ALS2: variants seen among roughly 807,000 people sequenced by gnomAD.
ALS2 encodes the protein alsin Rho guanine nucleotide exchange factor ALS2, also known as alsin.
In ALS2, 117 loss-of-function variants were observed where a neutral mutation model predicts 203.4. That is an observed-to-expected ratio of 0.58 (90% CI 0.50 to 0.67). The LOEUF (loss-of-function observed/expected upper bound fraction) is 0.67. Among genes scored for constraint, ALS2 ranks in the 30% least tolerant of loss-of-function variants. ALS2 has a pLI of 0.00. For synonymous variants in ALS2, 718 were observed against 725.9 expected (o/e 0.99, Z 0.17); for missense variants, 1,715 against 1,989.4 (o/e 0.86, Z 2.62).
chr2:201,702,155 T>C (rs1246226356), intron 33 of ALS2, among the ~76,000 whole-genome samples: 2 of 151,360 alleles, frequency 1.3e-5, no homozygotes, highest in South Asian at 2.1e-4. Flanking sequence ...CTAGCTAATA[T>C]TCTTCACATG....
At chr2:201,707,525 G>A (rs749181110) in intron 28 of ALS2, among the ~76,000 whole-genome samples, 1 of 151,952 alleles carries the variant, frequency 6.6e-6, no homozygotes, top group Non-Finnish European at 1.5e-5. Context: ...AACCTCCCAG[G>A]CCCAAGTGAT....
Position 201,754,639 on chromosome 2 carries a change from C to T in ALS2, c.1504G>A (p.Val502Met). 1.2e-6 allele frequency: 2 copies of T among 1,614,150 alleles called. No individual in the cohort carries two copies. Among genetic ancestry groups the T allele is most frequent in the South Asian group, 1.1e-5 (1 of 91,082 alleles). The change falls in exon 6 of 34, where the codon GTG becomes ATG. Residue 502 changes from valine (V) to methionine (M), a missense_variant. Physicochemically the swap from Val to Met is conservative, Grantham distance 21. Around this residue, in one of 3 missense-constraint regions of ALS2, gnomAD observed 1,227 missense variants for 1,413.5 expected, o/e 0.87. Transcript: ENST00000264276. Reference protein sequence around the residue: ...SPRLLRKAARVKTRTVVLTPT... With the variant: ...SPRLLRKAARMKTRTVVLTPT... ...GTCAGAACCACTGTCCTCGTTTTCA[C>T]CCGTGCAGCCTTTCTTAAGAGCCTG...
Position 201,707,117 on chromosome 2 carries a change from T to C in ALS2, c.4404-95A>G, listed in dbSNP as rs1190521487. Reference sequence around the variant, plus strand: ...AGCTTCAGTTTCAAAAAGTCAAAAGTAGAGATGGGAAGTTTTAAAGAAGTT... The same window carrying C: ...AGCTTCAGTTTCAAAAAGTCAAAAGCAGAGATGGGAAGTTTTAAAGAAGTT... On this transcript the variant is annotated intron_variant, in intron 28 of 33. Transcript: ENST00000264276. 4 of 1,173,686 alleles carry C rather than the reference T, an allele frequency of 3.4e-6. No individual in the cohort carries two copies. The African/African-American group carries it at 6.1e-5, about 18-fold the overall frequency. The allele number at this position is 1,173,686 out of a possible 1,614,324, so 72.7% of individuals were successfully genotyped here.
intron 25 of ALS2, among the ~76,000 whole-genome samples, chr2:201,713,613 A>G (rs1478784382): frequency 6.6e-6 from 1 of 152,188 alleles, no homozygotes; most frequent in South Asian, 2.1e-4. Flanking sequence ...AGTTCATACA[A>G]TAAGTGATTT....
chr2:201,712,901 T>C (rs72924742), intron 25 of ALS2, among the ~76,000 whole-genome samples: 6,986 of 152,236 alleles, frequency 0.046, 194 homozygotes, highest in Middle Eastern at 0.061. Context: ...ATGAGAAATA[T>C]GCAGTCATTT....
chr2:201,769,626 C>T (rs1273587256), intron 1 of ALS2, among the ~76,000 whole-genome samples: 1 of 152,136 alleles, frequency 6.6e-6, no homozygotes, highest in Non-Finnish European at 1.5e-5. Flanking sequence ...CATGGCCCAT[C>T]AGTTTAGAAA....
chr2:201,705,036 G>A (rs751152776), intron 31 of ALS2, 103 bp downstream of exon 31: 66 of 1,119,790 alleles, frequency 5.9e-5, no homozygotes, highest in Non-Finnish European at 8.6e-5. Flanking sequence ...CATATAGAAT[G>A]GGGATGCTTA....
chr2:201,750,853 T>C (rs1463939909), intron 7 of ALS2, among the ~76,000 whole-genome samples: 1 of 130,614 alleles, frequency 7.7e-6, no homozygotes, highest in Non-Finnish European at 1.7e-5. Flanking sequence ...TTCCAATTCC[T>C]TTTTTTTTTT....
chr2:201,709,947 C>T lies in ALS2; in HGVS notation c.4214G>A (p.Arg1405His), dbSNP rs768669586. ...CTTTACAGCCTCCTGCAATAACCTG[C>T]GGTTGGCTCCTACGCCCACGTATGT... ...RMTYVGVGAN[R>H]RLLQEAVKEI... The change falls in exon 27 of 34, where the codon CGC (arginine) becomes CAC (histidine). Residue 1405 changes from arginine to histidine, a missense_variant. Around this residue, in one of 3 missense-constraint regions of ALS2, gnomAD observed 1,227 missense variants for 1,413.5 expected, o/e 0.87. Transcript: ENST00000264276. The T allele has an allele frequency of 8.1e-6, 13 of 1,614,016 alleles. No individual in the cohort carries two copies. The highest frequency in any genetic ancestry group is 1.6e-4 in the Middle Eastern group (1 of 6,084).
At position 201,724,391 on chromosome 2, in the gene ALS2, C is replaced by A; in HGVS notation, c.3416G>T (p.Arg1139Leu). The A allele has an allele frequency of 1.9e-6, 3 of 1,613,856 alleles. No homozygotes were observed. The highest frequency in any genetic ancestry group is 2.5e-6 in the Non-Finnish European group (3 of 1,179,774). The change falls in exon 21 of 34, where the codon CGA (arginine) becomes CTA (leucine). Residue 1139 changes from arginine (R) to leucine (L), a missense_variant. This residue lies in a region of ALS2 where 1,227 missense variants were observed against 1,413.5 expected (regional missense o/e 0.87). Coordinates refer to ENST00000264276, the MANE Select transcript of ALS2 (RefSeq NM_020919.4). ...AGAAGAGGACGTCAATTTCCCACTT[C>A]GTAGAAGACCATGACCATGACGCAT... ...DNMRHGHGLL[R>L]SGKLTSSSPS...
At chr2:201,767,639 G>A (rs144968509) in intron 2 of ALS2, among the ~76,000 whole-genome samples, 31 of 151,640 alleles carry the variant, frequency 2.0e-4, no homozygotes, top group African/African-American at 4.8e-4. Context: ...GAGGCAGGCA[G>A]ATCACAAGGT....
intron 13 of ALS2, among the ~76,000 whole-genome samples, chr2:201,731,691 T>C (rs1195126898): frequency 6.6e-6 from 1 of 152,146 alleles, no homozygotes; most frequent in African/African-American, 2.4e-5. Flanking sequence ...TAACGTATAG[T>C]GATGGAATAC....
chr2:201,754,116 G>A (rs1488067627), intron 6 of ALS2, among the ~76,000 whole-genome samples: 1 of 151,278 alleles, frequency 6.6e-6, no homozygotes, highest in Non-Finnish European at 1.5e-5. Flanking sequence ...AGATTCAAGC[G>A]ATTCTCCTGC....
At chr2:201,705,259 A>G in intron 30 of ALS2, 59 bp from the exon 31 acceptor site, 1 of 1,538,518 alleles carries the variant, frequency 6.5e-7, no homozygotes, top group Non-Finnish European at 9.0e-7. Flanking sequence ...AACAGAAATA[A>G]ATGATACTGA....
chr2:201,738,504 G>C (rs1035299037), intron 12 of ALS2, 166 bp downstream of exon 12: 4 of 668,674 alleles, frequency 6.0e-6, no homozygotes, highest in African/African-American at 1.8e-5. Context: ...ATGATAACCA[G>C]TGGCTAATAG....
chr2:201,767,511 C>T (rs1004569987), intron 2 of ALS2, 128 bp from the exon 3 acceptor site: 3 of 1,027,672 alleles, frequency 2.9e-6, no homozygotes, highest in Non-Finnish European at 4.4e-6. Context: ...TGAATTAGCA[C>T]CTATTTTATG....
intron 9 of ALS2, 128 bp downstream of exon 9, chr2:201,746,438 G>T: frequency 9.2e-7 from 1 of 1,084,226 alleles, no homozygotes; most frequent in Non-Finnish European, 1.4e-6. Flanking sequence ...CTTGAAAGGA[G>T]TTTGCAATTT....
chr2:201,746,757 A>T lies in ALS2; in HGVS notation c.1816-9T>A. Reference sequence around the variant, plus strand: ...CCATTTTCACTGCTTATCTGCAACGACAGAAAGATAGTGTCTGTCCAAGAT... The same window carrying T: ...CCATTTTCACTGCTTATCTGCAACGTCAGAAAGATAGTGTCTGTCCAAGAT... On this transcript the variant is annotated splice_polypyrimidine_tract_variant and intron_variant, in intron 8 of 33. Coordinates refer to ENST00000264276, the MANE Select transcript of ALS2 (RefSeq NM_020919.4). 6.2e-7 allele frequency: 1 copy of T among 1,614,026 alleles called. No individual in the cohort carries two copies. Among genetic ancestry groups the T allele is most frequent in the African/African-American group, 1.3e-5 (1 of 75,048 alleles).
chr2:201,720,241 C>T (rs1398930607), intron 23 of ALS2: 1 of 347,524 alleles, frequency 2.9e-6, no homozygotes, highest in African/African-American at 2.3e-5. Flanking sequence ...AATCCAGCAA[C>T]ACCAACATAT....
Sources: gnomAD v4.1 joint callset for allele counts (sites outside exome capture counted in the v4.1 genomes callset) on GRCh38, gnomAD v4.1.1 for gene constraint, gnomAD v4.1.1 regional missense constraint, MANE v1.5 for transcripts, NCBI Gene and HGNC (gene_info 2026-07-23, HGNC 2026-07-21) for gene names.